USP34: variants seen among roughly 807,000 people sequenced by gnomAD.
USP34 encodes ubiquitin specific peptidase 34.
A neutral mutation model predicts 460.3 loss-of-function variants in USP34; 70 were observed. That is an observed-to-expected ratio of 0.15 (90% CI 0.13 to 0.19). USP34 has a LOEUF of 0.19. Ranked by LOEUF, USP34 falls within the 10% of genes least tolerant of loss-of-function variation. USP34 has a pLI of 1.00. For missense variants in USP34, 3,985 were observed against 4,236.2 expected, an observed-to-expected ratio of 0.94 and a Z score of 1.65; for synonymous variants, 1,647 against 1,405.3, an observed-to-expected ratio of 1.17 and a Z score of -3.85.
chr2:61,252,622 C>T lies in USP34; in HGVS notation c.6221+3762G>A, dbSNP rs368928226. ...TACAAAAAGTATGAATTTAGGGAAA[C>T]AAGGAATGAAAGATGTTACAGGCAG... On this transcript the variant is annotated intron_variant, in intron 48 of 79. Transcript: ENST00000398571. Among the ~76,000 whole-genome samples, 35 of 152,066 alleles carry T rather than the reference C, an allele frequency of 2.3e-4. No individual in the cohort carries two copies. The East Asian group carries it at 4.8e-3, about 21-fold the overall frequency.
intron 72 of USP34, 108 bp downstream of exon 72, chr2:61,205,909 A>G: frequency 1.2e-6 from 1 of 810,244 alleles, no homozygotes; most frequent in Non-Finnish European, 2.0e-6. Context: ...AGTTACACAT[A>G]AAAAGCACAA....
At chr2:61,223,220 A>G in intron 63 of USP34, 28 bp downstream of exon 63, 1 of 1,613,680 alleles carries the variant, frequency 6.2e-7, no homozygotes, top group East Asian at 2.2e-5. Flanking sequence ...GTGATGATCA[A>G]ATTGTCTAAT....
At chr2:61,255,166 T>C (rs1378737454) in intron 48 of USP34, among the ~76,000 whole-genome samples, 1 of 152,210 alleles carries the variant, frequency 6.6e-6, no homozygotes, top group African/African-American at 2.4e-5. Context: ...ATTATTATTT[T>C]CCAAGAAATT....
At chr2:61,304,001 G>T (rs911645966) in intron 27 of USP34, among the ~76,000 whole-genome samples, 1 of 151,940 alleles carries the variant, frequency 6.6e-6, no homozygotes, top group East Asian at 1.9e-4. Flanking sequence ...GGGCTTAAGC[G>T]ATTCTCATGC....
rs778733146 is a variant in USP34, at chr2:61,344,038, C to T, written c.2286-9G>A. ...TATCATCAACCATATGCCTACAAAA[C>T]AGAGAAAAGCACAAAGTTAGTAATT... On this transcript the variant is annotated splice_polypyrimidine_tract_variant and intron_variant, in intron 15 of 79. Transcript: ENST00000398571. 1 of 1,610,436 alleles carries T rather than the reference C, an allele frequency of 6.2e-7. No individual in the cohort carries two copies.
Position 61,216,845 on chromosome 2 carries a change from G to C in USP34, c.8048-2151C>G, listed in dbSNP as rs150848879. On this transcript the variant is annotated intron_variant, in intron 67 of 79. Coordinates refer to ENST00000398571, the MANE Select transcript of USP34 (RefSeq NM_014709.4). ...AGGCACAAGAATCACTTTAACTCTG[G>C]AGGTGGAGGCTGCAGTGAGCTGAGA... Among the ~76,000 whole-genome samples the C allele has an allele frequency of 3.1e-3, 475 of 151,652 alleles. 2 individuals are homozygous for C. Among genetic ancestry groups the C allele is most frequent in the Non-Finnish European group, 5.7e-3 (387 of 67,896 alleles).
At position 61,347,968 on chromosome 2, in the gene USP34, G is replaced by C. The variant is rs755566095; in HGVS notation, c.2187C>G (p.Phe729Leu). 2 of 1,613,986 alleles carry C rather than the reference G, an allele frequency of 1.2e-6. No homozygotes were observed. Among genetic ancestry groups the C allele is most frequent in the African/African-American group, 2.7e-5 (2 of 74,884 alleles). ...ATTCATTCCCAATAGTCTCCCCAAG[G>C]AAGTCCCCAGTTCGTGTGATACAAG... is the stretch of plus-strand genomic sequence containing the variant. Reference protein sequence around the residue: ...QESCITRTGDFLGETIGNELF... With the variant: ...QESCITRTGDLLGETIGNELF... Residue 729 changes from phenylalanine to leucine, a missense_variant, in exon 15 of 80, where the codon TTC (phenylalanine) becomes TTG (leucine). Physicochemically the swap from Phe to Leu is conservative, Grantham distance 22. This residue lies in a region of USP34 where 716 missense variants were observed against 626.2 expected (regional missense o/e 1.14). Transcript: ENST00000398571.
At chr2:61,394,783 CATAAAA>C in intron 5 of USP34, 64 bp downstream of exon 5, 1 of 1,239,480 alleles carries the variant, frequency 8.1e-7, no homozygotes, top group Non-Finnish European at 1.1e-6. Context: ...CTTTTCAGAG[CATAAAA>C]TTCATGTTAC....
intron 15 of USP34, among the ~76,000 whole-genome samples, chr2:61,347,287 G>A (rs2463101): frequency 6.6e-6 from 1 of 152,056 alleles, no homozygotes; most frequent in African/African-American, 2.4e-5. Flanking sequence ...AAATACCTTA[G>A]TAATTTTTAT....
Position 61,273,717 on chromosome 2 carries a change from AAAAC to A in USP34, c.5433+4444_5433+4447del, listed in dbSNP as rs367741349. Among the ~76,000 whole-genome samples, 106 of 152,330 alleles carry A rather than the reference AAAAC, an allele frequency of 7.0e-4. 1 individual carries two copies. The highest frequency in any genetic ancestry group is 2.4e-3 in the African/African-American group (99 of 41,580). On this transcript the variant is annotated intron_variant, in intron 41 of 79. Transcript: ENST00000398571. ...GTGACAGAGTGAGACACTGTCTCAA[AAAAC>A]AAACAAAGGGACTATCTCTACAGGA...
intron 67 of USP34, among the ~76,000 whole-genome samples, chr2:61,218,957 G>T (rs963242706): frequency 1.3e-5 from 2 of 152,150 alleles, no homozygotes; most frequent in Non-Finnish European, 2.9e-5. Flanking sequence ...CCATTCCTTG[G>T]AAGAAAGTCA....
chr2:61,285,207 G>C (rs1689651121), intron 34 of USP34, among the ~76,000 whole-genome samples: 1 of 152,110 alleles, frequency 6.6e-6, no homozygotes, highest in African/African-American at 2.4e-5. Flanking sequence ...TGTAGGCTGG[G>C]TATGGTGGCT....
intron 41 of USP34, 70 bp downstream of exon 41, chr2:61,278,095 T>G: frequency 6.4e-7 from 1 of 1,570,622 alleles, no homozygotes; most frequent in South Asian, 1.1e-5. Context: ...AAAAACGGAC[T>G]AATACACAAT....
At chr2:61,463,767 G>A (rs1695677756) in intron 1 of USP34, among the ~76,000 whole-genome samples, 1 of 151,554 alleles carries the variant, frequency 6.6e-6, no homozygotes, top group Non-Finnish European at 1.5e-5. Context: ...CCAGGAGGCG[G>A]AGGTTGCAAT....
intron 2 of USP34, among the ~76,000 whole-genome samples, chr2:61,407,889 T>C (rs1693924675): frequency 6.6e-6 from 1 of 151,952 alleles, no homozygotes; most frequent in Non-Finnish European, 1.5e-5. Context: ...CCGAGGTGCA[T>C]GGATCACCTG....
chr2:61,385,671 CAAAAAAAAAAAA>C (rs61200102), intron 5 of USP34, among the ~76,000 whole-genome samples: 956 of 46,026 alleles, frequency 0.021, 19 homozygotes, highest in Admixed American at 0.03. Flanking sequence ...GACTCTGTCT[CAAAAAAAAAAAA>C]AAAAAAAAAA....
At chr2:61,437,606 T>C (rs1181992114) in intron 1 of USP34, among the ~76,000 whole-genome samples, 1 of 151,770 alleles carries the variant, frequency 6.6e-6, no homozygotes, top group Non-Finnish European at 1.5e-5. Flanking sequence ...ACCCCGTCTC[T>C]AATAAAAATA....
At chr2:61,325,291 A>AAAC in intron 21 of USP34, 84 bp downstream of exon 21, 1 of 840,444 alleles carries the variant, frequency 1.2e-6, no homozygotes, top group South Asian at 2.1e-5. Context: ...AAAAAAAAAA[A>AAAC]CTGCAGAAAT....
intron 16 of USP34, among the ~76,000 whole-genome samples, chr2:61,342,059 G>C (rs1215839814): frequency 6.6e-6 from 1 of 151,920 alleles, no homozygotes. Context: ...CACCGCACCA[G>C]GCGATTTCTT....
Sources: allele counts gnomAD v4.1 joint callset (sites outside exome capture counted in the v4.1 genomes callset), GRCh38; gene constraint gnomAD v4.1.1; regional missense constraint gnomAD v4.1.1; transcripts MANE v1.5; gene names NCBI Gene and HGNC (gene_info 2026-07-23, HGNC 2026-07-21).